The following NBEA variants were observed in gnomAD, a reference collection of about 807,000 sequenced individuals.
NBEA encodes the protein neurobeachin, also known as lysosomal-trafficking regulator 2.
A neutral mutation model predicts 343.4 loss-of-function variants in NBEA; 44 were observed. The ratio of observed to expected loss-of-function variants is 0.13; its 90% CI spans 0.10 to 0.16. NBEA has a LOEUF of 0.16. Among genes scored for constraint, NBEA ranks in the 10% least tolerant of loss-of-function variants. NBEA has a pLI of 1.00. For synonymous variants in NBEA, 1,175 were observed against 1,238.7 expected, an observed-to-expected ratio of 0.95 and a Z score of 1.08; for missense variants, 2,555 against 3,631.3, an observed-to-expected ratio of 0.70 and a Z score of 7.62.
rs574865202 is a variant in NBEA at position 35,449,221 on chromosome 13, G to A, written c.6305-2871G>A. 5.3e-5 allele frequency among the ~76,000 whole-genome samples: 8 copies of A among 152,302 alleles called. No homozygotes were observed. The South Asian group carries it at 1.7e-3, about 32-fold the overall frequency. On this transcript the variant is annotated intron_variant, in intron 39 of 58. Transcript: ENST00000379939. ...TTGCATTAGGTGTTCTTGACTGGGA[G>A]GAGTTAATGAATAATTTTAATAGGA...
At chr13:35,511,359 T>A (rs991237072) in intron 41 of NBEA, among the ~76,000 whole-genome samples, 14 of 152,182 alleles carry the variant, frequency 9.2e-5, no homozygotes, top group African/African-American at 3.4e-4. Flanking sequence ...TTGGTGATTA[T>A]CAATATATAA....
chr13:34,996,689 A>G (rs1298417686), intron 1 of NBEA, among the ~76,000 whole-genome samples: 4 of 152,072 alleles, frequency 2.6e-5, no homozygotes, highest in Non-Finnish European at 5.9e-5. Context: ...AAAAGGAAAC[A>G]TGGGAAAATC....
At chr13:35,364,986 C>T (rs914078847) in intron 38 of NBEA, among the ~76,000 whole-genome samples, 4 of 151,672 alleles carry the variant, frequency 2.6e-5, no homozygotes, top group African/African-American at 9.7e-5. Context: ...ATACAGGTCA[C>T]ATTGGTAAGA....
At chr13:35,261,607 C>A (rs2033225188) in intron 34 of NBEA, among the ~76,000 whole-genome samples, 2 of 151,800 alleles carry the variant, frequency 1.3e-5, no homozygotes, top group African/African-American at 2.4e-5. Context: ...AAAATAAAGG[C>A]CTAAAATGAA....
intron 11 of NBEA, among the ~76,000 whole-genome samples, chr13:35,103,162 A>C (rs1374943600): frequency 1.3e-5 from 2 of 151,724 alleles, no homozygotes; most frequent in Non-Finnish European, 3.0e-5. Flanking sequence ...AGTCAATTAC[A>C]TGGATTATTT....
intron 38 of NBEA, among the ~76,000 whole-genome samples, chr13:35,369,176 AAGAGAG>A (rs2041293154): frequency 1.2e-4 from 8 of 69,462 alleles, no homozygotes; most frequent in African/African-American, 5.0e-4. Context: ...TTTTTTTTTG[AAGAGAG>A]TGTGTGTTTG....
At chr13:35,303,607 C>T (rs2036694832) in intron 35 of NBEA, among the ~76,000 whole-genome samples, 1 of 152,130 alleles carries the variant, frequency 6.6e-6, no homozygotes, top group South Asian at 2.1e-4. Context: ...GAAAACTTCA[C>T]ACTTTTTACT....
intron 38 of NBEA, among the ~76,000 whole-genome samples, chr13:35,371,962 A>G (rs1325329988): frequency 4.6e-5 from 7 of 152,166 alleles, no homozygotes; most frequent in African/African-American, 1.2e-4. Flanking sequence ...GGAGATAGAG[A>G]TGCCAGGTGG....
In NBEA at chr13:35,562,440, C is replaced by T. The variant is rs151063610; in HGVS notation, c.6923-4465C>T. 8.7e-4 allele frequency among the ~76,000 whole-genome samples: 132 copies of T among 152,136 alleles called. 1 individual carries two copies. The highest frequency in any genetic ancestry group is 2.9e-3 in the African/African-American group (122 of 41,548). On this transcript the variant is annotated intron_variant, in intron 44 of 58. Coordinates refer to ENST00000379939, the MANE Select transcript of NBEA (RefSeq NM_001385012.1). The stretch of plus-strand genomic sequence containing the variant: ...TAAAAAATAGGAGAGTAACCGCTAA[C>T]ACGGCTTTGTGTAAATGATCCCCTG...
chr13:34,975,905 C>G (rs1345580431), intron 1 of NBEA, among the ~76,000 whole-genome samples: 4 of 151,996 alleles, frequency 2.6e-5, no homozygotes, highest in Non-Finnish European at 4.4e-5. Flanking sequence ...ATGGCCATAT[C>G]AAAAAATCAA....
chr13:34,960,408 T>G (rs1340720264), intron 1 of NBEA, among the ~76,000 whole-genome samples: 1 of 152,024 alleles, frequency 6.6e-6, no homozygotes, highest in Non-Finnish European at 1.5e-5. Context: ...ATTAAAGAAA[T>G]AAACTTTTTT....
At chr13:35,527,212 C>G (rs1428851778) in intron 41 of NBEA, among the ~76,000 whole-genome samples, 1 of 152,130 alleles carries the variant, frequency 6.6e-6, no homozygotes, top group Non-Finnish European at 1.5e-5. Context: ...GGAGGAAGTA[C>G]ATGGTGATTG....
chr13:35,424,324 A>C (rs544074690), intron 38 of NBEA, among the ~76,000 whole-genome samples: 3 of 152,308 alleles, frequency 2.0e-5, no homozygotes, highest in South Asian at 2.1e-4. Flanking sequence ...GATACGTCCC[A>C]TCAATACCTA....
chr13:35,653,032 A>T (rs537512506), intron 53 of NBEA, among the ~76,000 whole-genome samples: 1 of 152,044 alleles, frequency 6.6e-6, no homozygotes, highest in Non-Finnish European at 1.5e-5. Context: ...TTTTAAACTG[A>T]CATGTTGTAA....
chr13:34,994,018 T>C (rs992660317), intron 1 of NBEA, among the ~76,000 whole-genome samples: 11 of 151,656 alleles, frequency 7.3e-5, no homozygotes, highest in Non-Finnish European at 1.5e-4. Flanking sequence ...GCCAACATGG[T>C]GAAACCCCGT....
intron 1 of NBEA, among the ~76,000 whole-genome samples, chr13:35,040,623 G>C (rs1340112462): frequency 6.6e-6 from 1 of 151,778 alleles, no homozygotes; most frequent in African/African-American, 2.4e-5. Flanking sequence ...CCTTTTAAAG[G>C]CCAAACCCTC....
intron 33 of NBEA, among the ~76,000 whole-genome samples, chr13:35,218,004 G>A (rs2074157360): frequency 6.6e-6 from 1 of 151,884 alleles, no homozygotes; most frequent in East Asian, 1.9e-4. Flanking sequence ...TATTCACCTT[G>A]GCCGTTTTGA....
intron 34 of NBEA, among the ~76,000 whole-genome samples, chr13:35,241,535 A>G (rs73167800): frequency 0.02 from 3,029 of 151,946 alleles, 45 homozygotes; most frequent in Middle Eastern, 0.037. Context: ...CGTAAAGTGT[A>G]GAGGGTAAAA....
intron 1 of NBEA, among the ~76,000 whole-genome samples, chr13:34,996,688 C>T (rs1250779353): frequency 6.6e-6 from 1 of 151,818 alleles, no homozygotes; most frequent in African/African-American, 2.4e-5. Flanking sequence ...GAAAAGGAAA[C>T]ATGGGAAAAT....
Sources: gnomAD v4.1 joint callset for allele counts (sites outside exome capture counted in the v4.1 genomes callset) on GRCh38, gnomAD v4.1.1 for gene constraint, MANE v1.5 for transcripts, NCBI Gene and HGNC (gene_info 2026-07-23, HGNC 2026-07-21) for gene names.